FAM9B: variants seen among roughly 807,000 people sequenced by gnomAD.
FAM9B encodes the protein family with sequence similarity 9 member B.
FAM9B carries 18 observed loss-of-function variants against 16.6 expected under a neutral mutation model. That is an observed-to-expected ratio of 1.09 (90% CI 0.75 to 1.61). FAM9B has a LOEUF of 1.61. Ranked by LOEUF, FAM9B falls within the 40% of genes most tolerant of loss-of-function variation. FAM9B has a pLI of 0.00. For missense variants in FAM9B, 155 were observed against 136.0 expected (o/e 1.14, Z -0.70); for synonymous variants, 43 against 42.6 (o/e 1.01, Z -0.03).
intron 2 of FAM9B, 26 bp downstream of exon 2, chrX:9,032,933 T>C: frequency 8.3e-7 from 1 of 1,208,381 alleles, no homozygotes; most frequent in Non-Finnish European, 1.1e-6. Context: ...TGCACCTTCT[T>C]CTGGGTCCCC....
intron 7 of FAM9B, 74 bp from the exon 8 acceptor site, chrX:9,025,657 T>G (rs1209725725): frequency 9.9e-6 from 8 of 811,840 alleles, no homozygotes; most frequent in Non-Finnish European, 1.4e-5. Flanking sequence ...TAATTAAATG[T>G]CAAAAGGAAA....
Position 9,034,041 on chromosome X carries a change from A to C in FAM9B, c.-279T>G, listed in dbSNP as rs748265722. On this transcript the variant is annotated 5_prime_UTR_variant, in exon 1 of 9. Transcript: ENST00000327220. ...GGCAGCAAGAGCCAGACTCCGTCCCAAAAAAAACAAAACAAAAAAACAAAA... is the reference window on the plus strand; with the variant it reads ...GGCAGCAAGAGCCAGACTCCGTCCCCAAAAAAACAAAACAAAAAAACAAAA... 13 of 274,801 alleles carry C rather than the reference A, an allele frequency of 4.7e-5. No individual in the cohort carries two copies. The South Asian group carries it at 1.1e-3, about 23-fold the overall frequency. 22.6% of individuals were successfully genotyped at this position (274,801 alleles called of 1,213,427 possible). A position where few individuals can be genotyped will look rare whatever the true frequency, so the allele number is the denominator to read the frequency against.
chrX:9,025,750 A>C (rs141037288), intron 7 of FAM9B, among the ~76,000 whole-genome samples, 167 bp from the exon 8 acceptor site: 1,937 of 112,123 alleles, frequency 0.017, 44 homozygotes, highest in African/African-American at 0.06. Flanking sequence ...CAAATACCCA[A>C]TTAAATTTTT....
Position 9,032,077 on chromosome X carries a change from G to A in FAM9B, c.181+53C>T, listed in dbSNP as rs1249181807. On this transcript the variant is annotated intron_variant, in intron 4 of 8. Transcript: ENST00000327220. ...CTAATTCATATAACCTACTGCAACA[G>A]TTGTATGACTGAAAACAATTTTCAT... The A allele has an allele frequency of 2.7e-6, 3 of 1,120,840 alleles. No homozygotes were observed. In the Admixed American group the frequency reaches 7.3e-5, roughly 27 times the overall value. 92.4% of individuals were successfully genotyped at this position (1,120,840 alleles called of 1,213,427 possible).
At position 9,025,309 on chromosome X, in the gene FAM9B, T is replaced by G. The variant is rs1009543665; in HGVS notation, c.*100A>C. The stretch of plus-strand genomic sequence containing the variant: ...TTGTATCATATAACATAGGTTCAAG[T>G]TCTTTCTTCAGTCATCAGAATAACA... On this transcript the variant is annotated 3_prime_UTR_variant, in exon 9 of 9. Transcript: ENST00000327220. The G allele has an allele frequency of 3.2e-5, 11 of 343,006 alleles. No homozygotes were observed. The highest frequency in any genetic ancestry group is 3.0e-4 in the African/African-American group (11 of 37,172). 28.3% of individuals were successfully genotyped at this position (343,006 alleles called of 1,213,427 possible). A position where few individuals can be genotyped will look rare whatever the true frequency, so the allele number is the denominator to read the frequency against.
rs367654618 is a variant in FAM9B, at chrX:9,032,119, C to T, written c.181+11G>A. ...AATTTTCATAAACTACAGATAACTC[C>T]TAAAACATACCTGCAGTATCTTCTG... On this transcript the variant is annotated intron_variant, in intron 4 of 8. Coordinates refer to ENST00000327220, the MANE Select transcript of FAM9B (RefSeq NM_205849.3). 1.7e-6 allele frequency: 2 copies of T among 1,203,475 alleles called. No individual in the cohort carries two copies. Among genetic ancestry groups the T allele is most frequent in the African/African-American group, 1.7e-5 (1 of 57,409 alleles).
At chrX:9,030,038 G>A (rs1921022443) in intron 5 of FAM9B, 2 of 548,130 alleles carry the variant, frequency 3.6e-6, no homozygotes, top group Non-Finnish European at 5.6e-6. Flanking sequence ...TTATCTGGAA[G>A]GCAAAAAGAG....
intron 5 of FAM9B, chrX:9,030,029 T>C: frequency 2.0e-6 from 1 of 512,421 alleles, no homozygotes; most frequent in Middle Eastern, 6.0e-4. Flanking sequence ...AGGCTATTTT[T>C]ATCTGGAAGG....
chrX:9,028,384 G>T (rs1268579054), intron 6 of FAM9B, among the ~76,000 whole-genome samples: 1 of 111,090 alleles, frequency 9.0e-6, no homozygotes, highest in Non-Finnish European at 1.9e-5. Flanking sequence ...ACCCAATAAT[G>T]ATTGCCTTTC....
chrX:9,029,616 C>CAGCT (rs1219055239), intron 5 of FAM9B, among the ~76,000 whole-genome samples, 198 bp from the exon 6 acceptor site: 1 of 111,872 alleles, frequency 8.9e-6, no homozygotes, highest in Non-Finnish European at 1.9e-5. Context: ...ACTACTAGAG[C>CAGCT]AGCTATCTTA....
At chrX:9,032,764 G>A in intron 2 of FAM9B, 195 bp downstream of exon 2, 1 of 595,637 alleles carries the variant, frequency 1.7e-6, no homozygotes, top group Non-Finnish European at 2.6e-6. Context: ...CTATGAGGGG[G>A]AGCCTTCCAC....
chrX:9,025,615 C>G (rs1440071362), intron 7 of FAM9B, 32 bp from the exon 8 acceptor site: 1 of 1,103,276 alleles, frequency 9.1e-7, no homozygotes, highest in Admixed American at 2.4e-5. Flanking sequence ...ACTGACAAAC[C>G]ACCACTTTAT....
chrX:9,027,027 C>G lies in FAM9B; in HGVS notation c.492+841G>C, dbSNP rs374459004. ...AAGGTTATTAAAAAGAATACCAGAT[C>G]TCCCCAAAAAAGATTCCACTGCTTC... On this transcript the variant is annotated intron_variant, in intron 7 of 8. Coordinates refer to ENST00000327220, the MANE Select transcript of FAM9B (RefSeq NM_205849.3). Among the ~76,000 whole-genome samples the G allele has an allele frequency of 1.5e-4, 17 of 111,685 alleles. No homozygotes were observed. In the East Asian group the frequency reaches 2.0e-3, roughly 13 times the overall value.
intron 5 of FAM9B, among the ~76,000 whole-genome samples, chrX:9,029,690 C>A: frequency 8.9e-6 from 1 of 111,773 alleles, no homozygotes; most frequent in East Asian, 2.8e-4. Context: ...GAAACATTTT[C>A]TCTAAGAGCA....
intron 7 of FAM9B, among the ~76,000 whole-genome samples, chrX:9,026,133 C>T (rs1920964747): frequency 9.0e-6 from 1 of 111,566 alleles, no homozygotes; most frequent in Non-Finnish European, 1.9e-5. Flanking sequence ...CACAATCTTC[C>T]GTATTTCTAT....
intron 7 of FAM9B, among the ~76,000 whole-genome samples, chrX:9,026,016 A>C (rs112990909): frequency 1.5e-4 from 17 of 111,772 alleles, no homozygotes; most frequent in African/African-American, 5.5e-4. Flanking sequence ...GTTAGAGAAA[A>C]CGTAACTGTG....
At chrX:9,028,138 A>T (rs1410719929) in intron 6 of FAM9B, among the ~76,000 whole-genome samples, 172 bp from the exon 7 acceptor site, 1 of 112,292 alleles carries the variant, frequency 8.9e-6, no homozygotes, top group African/African-American at 3.2e-5. Context: ...ATAACATGCT[A>T]AAATGATGTA....
intron 6 of FAM9B, among the ~76,000 whole-genome samples, chrX:9,028,396 G>A (rs764814950): frequency 9.0e-6 from 1 of 111,092 alleles, no homozygotes; most frequent in East Asian, 2.8e-4. Flanking sequence ...TTGCCTTTCT[G>A]CACCCTGACC....
intron 4 of FAM9B, 135 bp downstream of exon 4, chrX:9,031,991 CATTA>C: frequency 2.1e-6 from 1 of 486,268 alleles, no homozygotes; most frequent in Non-Finnish European, 3.3e-6. Flanking sequence ...AAATAGATTA[CATTA>C]AATACGTACG....
Sources: gnomAD v4.1 joint callset for allele counts (sites outside exome capture counted in the v4.1 genomes callset) on GRCh38, gnomAD v4.1.1 for gene constraint, MANE v1.5 for transcripts, NCBI Gene and HGNC (gene_info 2026-07-23, HGNC 2026-07-21) for gene names.